Variants in COL21A1 observed in about 807,000 individuals in gnomAD.
COL21A1 encodes the protein collagen type XXI alpha 1 chain.
In COL21A1, 149 loss-of-function variants were observed where a neutral mutation model predicts 137.9. The ratio of observed to expected loss-of-function variants is 1.08; its 90% CI spans 0.95 to 1.24. The LOEUF is 1.24. Ranked by LOEUF, COL21A1 falls within the 50% of genes most tolerant of loss-of-function variation. The pLI, the probability that COL21A1 is intolerant of heterozygous loss-of-function variation, is 0.00. For missense variants in COL21A1, 1,167 were observed against 1,158.4 expected, an observed-to-expected ratio of 1.01 and a Z score of -0.11; for synonymous variants, 456 against 391.5, an observed-to-expected ratio of 1.16 and a Z score of -1.95.
chr6:56,259,253 T>C (rs1763189788), intron 1 of COL21A1, among the ~76,000 whole-genome samples: 1 of 152,234 alleles, frequency 6.6e-6, no homozygotes, highest in African/African-American at 2.4e-5. Context: ...TGGAGTTTAC[T>C]GCATTCCCCC....
chr6:56,078,522 T>G (rs993844884), intron 17 of COL21A1, among the ~76,000 whole-genome samples: 1 of 151,652 alleles, frequency 6.6e-6, no homozygotes, highest in East Asian at 1.9e-4. Context: ...AGCAGTACTC[T>G]TCAGTAAATC....
chr6:56,240,441 A>G (rs553326803), intron 1 of COL21A1, among the ~76,000 whole-genome samples: 27 of 152,306 alleles, frequency 1.8e-4, no homozygotes, highest in African/African-American at 6.5e-4. Flanking sequence ...TCTGTTCTTT[A>G]TAAATTACCC....
intron 1 of COL21A1, among the ~76,000 whole-genome samples, chr6:56,233,399 C>T (rs903208822): frequency 4.6e-5 from 7 of 151,454 alleles, no homozygotes. Context: ...AGTAAAAGGA[C>T]TCAGTTAAAT....
intron 17 of COL21A1, among the ~76,000 whole-genome samples, chr6:56,086,148 ATACAT>A (rs1768221464): frequency 6.6e-6 from 1 of 152,044 alleles, no homozygotes; most frequent in South Asian, 2.1e-4. Context: ...ACCATTACAT[ATACAT>A]TATTTTTCCA....
chr6:56,320,060 TA>T (rs1175235737), intron 1 of COL21A1, among the ~76,000 whole-genome samples: 1 of 152,130 alleles, frequency 6.6e-6, no homozygotes, highest in African/African-American at 2.4e-5. Flanking sequence ...CTTGGATACT[TA>T]ATAAGTCTCT....
chr6:56,213,073 A>G (rs2397208), intron 1 of COL21A1, among the ~76,000 whole-genome samples: 99,361 of 151,842 alleles, frequency 0.65, 32,951 homozygotes, highest in East Asian at 0.86. Flanking sequence ...AAAGTAGAGG[A>G]CTGACCAGTC....
At chr6:56,076,312 G>C (rs1767237369) in intron 18 of COL21A1, among the ~76,000 whole-genome samples, 1 of 151,340 alleles carries the variant, frequency 6.6e-6, no homozygotes, top group Admixed American at 6.6e-5. Flanking sequence ...TAGGCTGACA[G>C]GACACCCTCT....
intron 16 of COL21A1, among the ~76,000 whole-genome samples, chr6:56,103,417 T>C (rs991708000): frequency 6.6e-6 from 1 of 152,172 alleles, no homozygotes; most frequent in African/African-American, 2.4e-5. Context: ...ACTTGCCAAA[T>C]AGTAGAAACA....
At chr6:56,116,116 T>G (rs1771894790) in intron 16 of COL21A1, among the ~76,000 whole-genome samples, 1 of 151,932 alleles carries the variant, frequency 6.6e-6, no homozygotes, top group African/African-American at 2.4e-5. Context: ...TTCAAAGGGT[T>G]AACAGAGAAC....
At chr6:56,338,603 C>G (rs981213501) in intron 1 of COL21A1, among the ~76,000 whole-genome samples, 1 of 152,224 alleles carries the variant, frequency 6.6e-6, no homozygotes, top group Non-Finnish European at 1.5e-5. Flanking sequence ...CCATCTCCCT[C>G]TCTATCTCTT....
At chr6:56,332,686 G>GT (rs940271811) in intron 1 of COL21A1, among the ~76,000 whole-genome samples, 14 of 149,310 alleles carry the variant, frequency 9.4e-5, no homozygotes, top group South Asian at 4.2e-4. Context: ...TAGGTTATAT[G>GT]TTTTTTTTTA....
chr6:56,097,991 ATG>A lies in COL21A1; in HGVS notation c.1812+3479_1812+3480del, dbSNP rs1451034325. The stretch of plus-strand genomic sequence containing the variant: ...AATATATAAATATATATAAATATAT[ATG>A]TAAATATATAAATATATAAATATAT... On this transcript the variant is annotated intron_variant, in intron 17 of 29. Coordinates refer to ENST00000244728, the MANE Select transcript of COL21A1 (RefSeq NM_030820.4). 2.9e-4 allele frequency among the ~76,000 whole-genome samples: 7 copies of A among 24,366 alleles called. No individual in the cohort carries two copies. The East Asian group carries it at 6.0e-3, about 21-fold the overall frequency. 16.0% of individuals were successfully genotyped at this position (24,366 alleles called of 152,430 possible).
At chr6:56,194,662 A>T (rs1778908555) in intron 1 of COL21A1, among the ~76,000 whole-genome samples, 1 of 152,198 alleles carries the variant, frequency 6.6e-6, no homozygotes, top group African/African-American at 2.4e-5. Flanking sequence ...AAGCGAAAAA[A>T]TTATAAAGCC....
intron 20 of COL21A1, 26 bp from the exon 21 acceptor site, chr6:56,070,824 G>GT: frequency 2.6e-6 from 4 of 1,561,674 alleles, no homozygotes; most frequent in South Asian, 1.2e-5. Context: ...AAACATTGGA[G>GT]TTTTTTAAAA....
chr6:56,130,544 A>G (rs1226445030), intron 12 of COL21A1, among the ~76,000 whole-genome samples: 1 of 152,106 alleles, frequency 6.6e-6, no homozygotes, highest in Non-Finnish European at 1.5e-5. Flanking sequence ...TATGACTTCC[A>G]TTCTCTGGCT....
At chr6:56,295,828 G>T (rs1764152532) in intron 1 of COL21A1, among the ~76,000 whole-genome samples, 1 of 151,706 alleles carries the variant, frequency 6.6e-6, no homozygotes, top group East Asian at 1.9e-4. Flanking sequence ...TTAGTATTAG[G>T]ATTTTTTTGT....
At chr6:56,363,431 C>T (rs9475684) in intron 1 of COL21A1, among the ~76,000 whole-genome samples, 5,971 of 152,256 alleles carry the variant, frequency 0.039, 149 homozygotes, top group Non-Finnish European at 0.049. Context: ...GCAGAGGCCA[C>T]ACCACTAGGA....
chr6:56,278,198 C>G (rs1763711926), intron 1 of COL21A1, among the ~76,000 whole-genome samples: 1 of 151,834 alleles, frequency 6.6e-6, no homozygotes, highest in Admixed American at 6.6e-5. Context: ...CACCATTATC[C>G]ACACCCTGGA....
rs1780015925 is a variant in COL21A1, at chr6:56,209,509, A to G, written c.-38-26853T>C. Reference sequence around the variant, plus strand: ...CTTCTCAAAAGAAAACGCTTTTGCAACCAACAAGCATATGAAAAATGCTCA... The same window carrying G: ...CTTCTCAAAAGAAAACGCTTTTGCAGCCAACAAGCATATGAAAAATGCTCA... On this transcript the variant is annotated intron_variant, in intron 1 of 29. Coordinates refer to ENST00000244728, the MANE Select transcript of COL21A1 (RefSeq NM_030820.4). Among the ~76,000 whole-genome samples the G allele has an allele frequency of 2.0e-5, 3 of 152,158 alleles. No individual in the cohort carries two copies. In the South Asian group the frequency reaches 6.2e-4, roughly 32 times the overall value.
Sources: allele counts gnomAD v4.1 joint callset (sites outside exome capture counted in the v4.1 genomes callset), GRCh38; gene constraint gnomAD v4.1.1; transcripts MANE v1.5; gene names NCBI Gene and HGNC (gene_info 2026-07-23, HGNC 2026-07-21).